The following ASB3 variants were observed in gnomAD, a reference collection of about 807,000 sequenced individuals.
ASB3 encodes the protein ankyrin repeat and SOCS box protein 3.
ASB3 carries 41 observed loss-of-function variants against 54.5 expected under a neutral mutation model. The observed-to-expected ratio is 0.75, with a 90% CI of 0.59 to 0.98. The LOEUF (loss-of-function observed/expected upper bound fraction) is 0.98, where lower values mean the gene tolerates loss of function less well. Ranked by LOEUF, ASB3 falls within the 50% of genes least tolerant of loss-of-function variation. ASB3 has a pLI of 0.00. For missense variants in ASB3, 733 were observed against 620.0 expected, an observed-to-expected ratio of 1.18 and a Z score of -1.94; for synonymous variants, 266 against 221.2, an observed-to-expected ratio of 1.20 and a Z score of -1.80.
chr2:53,768,276 C>T (rs1182801237), intron 1 of ASB3: 2 of 436,124 alleles, frequency 4.6e-6, no homozygotes, highest in Non-Finnish European at 8.2e-6. Context: ...GGCACAGGCG[C>T]ACGAGCTCGC....
chr2:53,709,745 GC>G, intron 7 of ASB3, among the ~76,000 whole-genome samples: 1 of 152,220 alleles, frequency 6.6e-6, no homozygotes, highest in South Asian at 2.1e-4. Context: ...CTCCAAGATG[GC>G]CCCCAATCAT....
chr2:53,777,806 T>A (rs1218725149), intron 1 of ASB3, among the ~76,000 whole-genome samples: 1 of 152,210 alleles, frequency 6.6e-6, no homozygotes, highest in African/African-American at 2.4e-5. Flanking sequence ...TTTTATTAAA[T>A]TTTACCCTTT....
chr2:53,735,377 C>A (rs1469397582), intron 3 of ASB3, among the ~76,000 whole-genome samples: 1 of 151,792 alleles, frequency 6.6e-6, no homozygotes, highest in African/African-American at 2.4e-5. Context: ...ATTCTATCAG[C>A]CCCTTAAAAT....
At chr2:53,727,047 T>G (rs1031893176) in intron 5 of ASB3, among the ~76,000 whole-genome samples, 1 of 152,114 alleles carries the variant, frequency 6.6e-6, no homozygotes, top group Non-Finnish European at 1.5e-5. Flanking sequence ...GAAGGTATGA[T>G]GTAGTAGAAG....
At chr2:53,733,856 C>T (rs2103929828) in intron 3 of ASB3, among the ~76,000 whole-genome samples, 1 of 152,210 alleles carries the variant, frequency 6.6e-6, no homozygotes, top group African/African-American at 2.4e-5. Context: ...AGAGATTTAC[C>T]CACGTATTTA....
chr2:53,718,284 A>T (rs375728349), intron 5 of ASB3, among the ~76,000 whole-genome samples: 37,138 of 151,932 alleles, frequency 0.24, 4,528 homozygotes, highest in Middle Eastern at 0.3. Context: ...CTAGAGAAAA[A>T]CGTCAGATCA....
chr2:53,689,043 C>G (rs1030489567), intron 9 of ASB3, among the ~76,000 whole-genome samples: 3 of 151,610 alleles, frequency 2.0e-5, no homozygotes, highest in African/African-American at 7.3e-5. Context: ...AAAATTTTAG[C>G]CAGTAAATTT....
At chr2:53,707,626 G>A (rs184793163) in intron 7 of ASB3, among the ~76,000 whole-genome samples, 8 of 146,310 alleles carry the variant, frequency 5.5e-5, no homozygotes, top group East Asian at 4.1e-4. Context: ...CAGCCTGGGC[G>A]ACACAGCGAG....
At chr2:53,688,313 T>G (rs980463718) in intron 9 of ASB3, among the ~76,000 whole-genome samples, 1 of 152,212 alleles carries the variant, frequency 6.6e-6, no homozygotes, top group African/African-American at 2.4e-5. Context: ...AAATGACACT[T>G]GAGTGTCCCA....
intron 9 of ASB3, among the ~76,000 whole-genome samples, chr2:53,693,414 C>T (rs530618081): frequency 1.3e-4 from 20 of 151,994 alleles, no homozygotes; most frequent in African/African-American, 4.8e-4. Context: ...TTATACCATA[C>T]CAACAGACTG....
At chr2:53,716,332 A>C (rs1044735555) in intron 6 of ASB3, among the ~76,000 whole-genome samples, 4 of 152,122 alleles carry the variant, frequency 2.6e-5, no homozygotes, top group Non-Finnish European at 5.9e-5. Flanking sequence ...ACCCCGAGAA[A>C]GTCCCTGAGC....
At chr2:53,694,837 T>C (rs2103736631) in intron 8 of ASB3, among the ~76,000 whole-genome samples, 1 of 152,282 alleles carries the variant, frequency 6.6e-6, no homozygotes. Context: ...GTGAAAATAA[T>C]ATGAGATAAC....
chr2:53,733,199 G>A (rs567205346), intron 3 of ASB3, among the ~76,000 whole-genome samples: 162 of 152,292 alleles, frequency 1.1e-3, no homozygotes, highest in Middle Eastern at 3.4e-3. Flanking sequence ...AAAAAAGAGT[G>A]CTTCTGCCTT....
intron 3 of ASB3, among the ~76,000 whole-genome samples, chr2:53,745,134 A>G (rs1436165578): frequency 1.3e-5 from 2 of 152,166 alleles, no homozygotes; most frequent in Non-Finnish European, 2.9e-5. Flanking sequence ...TTCACTTAGA[A>G]TTTATTATAG....
chr2:53,720,829 C>T (rs1188378563), intron 5 of ASB3, among the ~76,000 whole-genome samples: 1 of 152,064 alleles, frequency 6.6e-6, no homozygotes, highest in East Asian at 1.9e-4. Context: ...ACCACATGCT[C>T]GGCCAAAAAG....
At chr2:53,730,959 A>G (rs546828784) in intron 3 of ASB3, among the ~76,000 whole-genome samples, 100 of 152,344 alleles carry the variant, frequency 6.6e-4, no homozygotes, top group Admixed American at 3.4e-3. Flanking sequence ...AACAATGGGA[A>G]TATAAAAATC....
At chr2:53,740,104 G>A (rs1008156280) in intron 3 of ASB3, among the ~76,000 whole-genome samples, 6 of 152,178 alleles carry the variant, frequency 3.9e-5, no homozygotes, top group African/African-American at 1.4e-4. Flanking sequence ...GGCTGGCTAT[G>A]CAGAAATCAT....
At chr2:53,743,849 C>T (rs910631477) in intron 3 of ASB3, among the ~76,000 whole-genome samples, 1 of 151,890 alleles carries the variant, frequency 6.6e-6, no homozygotes, top group African/African-American at 2.4e-5. Flanking sequence ...TTGAGACCAG[C>T]CTGGCCAACA....
chr2:53,753,797 G>C (rs562326640), intron 2 of ASB3, among the ~76,000 whole-genome samples: 8 of 151,130 alleles, frequency 5.3e-5, no homozygotes, highest in Non-Finnish European at 1.0e-4. Flanking sequence ...ACCACACCTG[G>C]GTAATTTTTT....
Sources: allele counts gnomAD v4.1 joint callset (sites outside exome capture counted in the v4.1 genomes callset), GRCh38; gene constraint gnomAD v4.1.1; transcripts MANE v1.5; gene names NCBI Gene and HGNC (gene_info 2026-07-23, HGNC 2026-07-21).